The following RP1 variants were observed in gnomAD, a reference collection of about 807,000 sequenced individuals.
RP1 encodes oxygen-regulated protein 1.
In RP1, 16 loss-of-function variants were observed where a neutral mutation model predicts 14.8. The ratio of observed to expected loss-of-function variants is 1.08; its 90% CI spans 0.73 to 1.65. RP1 has a LOEUF of 1.65. RP1 is among the 40% of genes most tolerant of loss of function. The pLI, the probability that RP1 is intolerant of heterozygous loss-of-function variation, is 0.00. For missense variants in RP1, 2,631 were observed against 2,535.0 expected, an observed-to-expected ratio of 1.04 and a Z score of -0.81; for synonymous variants, 876 against 883.6, an observed-to-expected ratio of 0.99 and a Z score of 0.15.
chr8:54,676,730 T>A (rs944641118), intron 8 of RP1, among the ~76,000 whole-genome samples: 3 of 152,216 alleles, frequency 2.0e-5, no homozygotes, highest in African/African-American at 7.2e-5. Flanking sequence ...GTAGGCAATA[T>A]ATTTTTACGT....
intron 16 of RP1, among the ~76,000 whole-genome samples, chr8:54,724,881 G>C (rs1197873360): frequency 6.6e-6 from 1 of 152,212 alleles, no homozygotes; most frequent in Non-Finnish European, 1.5e-5. Flanking sequence ...AGGATAGAGA[G>C]GTAAAATGCT....
intron 24 of RP1, among the ~76,000 whole-genome samples, chr8:54,822,514 T>C (rs534193907): frequency 3.9e-5 from 6 of 152,386 alleles, no homozygotes; most frequent in Admixed American, 1.3e-4. Flanking sequence ...ATATCTTCTA[T>C]AAATACAAAT....
At chr8:54,798,512 C>T (rs1449407220) in intron 24 of RP1, among the ~76,000 whole-genome samples, 2 of 152,144 alleles carry the variant, frequency 1.3e-5, no homozygotes, top group African/African-American at 4.8e-5. Flanking sequence ...TTCCCTGAAA[C>T]TTAATTATCA....
intron 1 of RP1, chr8:54,559,367 T>C (rs915880749): frequency 6.6e-6 from 1 of 152,190 alleles, no homozygotes; most frequent in African/African-American, 2.4e-5. Context: ...TTATAGGGAA[T>C]GATAACGAAC....
chr8:54,706,641 C>T lies in RP1; in HGVS notation c.2197C>T (p.Arg733Ter), dbSNP rs760993041. 90 of 1,535,852 alleles carry T rather than the reference C, an allele frequency of 5.9e-5. No individual in the cohort carries two copies. The highest frequency in any genetic ancestry group is 7.2e-5 in the Non-Finnish European group (83 of 1,146,846). Residue 733 changes from arginine (R) to a stop codon, truncating the protein, a stop_gained, in exon 15 of 23, where the codon CGA becomes TGA. Coordinates refer to the RP1 transcript ENST00000636932. LOFTEE classifies it high-confidence loss of function. Reference sequence around the variant, plus strand: ...AATGTATCTAAGAATCAAGGATGGCCGATGCGATGGAACAGTAAGCATCTG... The same window carrying T: ...AATGTATCTAAGAATCAAGGATGGCTGATGCGATGGAACAGTAAGCATCTG...
intron 24 of RP1, among the ~76,000 whole-genome samples, chr8:54,807,190 G>A (rs1378637374): frequency 2.0e-5 from 3 of 152,204 alleles, no homozygotes; most frequent in Non-Finnish European, 2.9e-5. Flanking sequence ...ACAGCTTTAT[G>A]AGGCCAGGTC....
chr8:54,590,512 G>T (rs1214482959), intron 1 of RP1, among the ~76,000 whole-genome samples: 1 of 152,120 alleles, frequency 6.6e-6, no homozygotes, highest in Non-Finnish European at 1.5e-5. Context: ...AAAGCTCTCA[G>T]GACCCTTTCC....
intron 5 of RP1, among the ~76,000 whole-genome samples, chr8:54,653,534 T>C (rs1012077224): frequency 6.6e-6 from 1 of 152,196 alleles, no homozygotes; most frequent in Non-Finnish European, 1.5e-5. Flanking sequence ...GCAAACTTAC[T>C]CTTCTTGAGT....
chr8:54,807,585 T>C (rs1810883581), intron 24 of RP1, among the ~76,000 whole-genome samples: 2 of 152,200 alleles, frequency 1.3e-5, no homozygotes, highest in Admixed American at 1.3e-4. Flanking sequence ...TCTCTAACCA[T>C]GCAGAACCAC....
intron 19 of RP1, among the ~76,000 whole-genome samples, chr8:54,743,325 C>T (rs550006944): frequency 2.0e-5 from 3 of 152,046 alleles, no homozygotes; most frequent in East Asian, 3.9e-4. Context: ...ATGTAAATAT[C>T]GTATTCACCA....
chr8:54,699,369 A>C, intron 12 of RP1: 1 of 449,964 alleles, frequency 2.2e-6, no homozygotes, highest in Non-Finnish European at 3.7e-6. Context: ...TTTAATTGAG[A>C]AGTTTAAAAT....
chr8:54,573,250 C>G (rs992330134), intron 1 of RP1, among the ~76,000 whole-genome samples: 5 of 152,132 alleles, frequency 3.3e-5, no homozygotes, highest in African/African-American at 1.2e-4. Flanking sequence ...GATGCACAGA[C>G]TTTATTTTCC....
chr8:54,679,462 A>T (rs1387311244), exon 10 of RP1: 9 of 1,535,828 alleles, frequency 5.9e-6, no homozygotes, highest in African/African-American at 2.7e-5. Context: ...TTGTCAGAGA[A>T]CTGTATGCCA....
Position 54,595,372 on chromosome 8 carries a change from G to T in RP1, c.-12-25583G>T, listed in dbSNP as rs186692516. 6.3e-3 allele frequency among the ~76,000 whole-genome samples: 958 copies of T among 151,984 alleles called. 9 individuals are homozygous for T. The highest frequency in any genetic ancestry group is 0.022 in the African/African-American group (903 of 41,474). On this transcript the variant is annotated intron_variant, in intron 1 of 22. Coordinates refer to the RP1 transcript ENST00000636932. ...TCTTGATCTCCTGACCTCGTGATCC[G>T]CCCGCCTCAGCCTCCCAAAGTGCTG...
At position 54,868,193 on chromosome 8, in the gene RP1, A is replaced by G. The variant is rs1812500452; in HGVS notation, c.4152-1650A>G. 2.0e-5 allele frequency among the ~76,000 whole-genome samples: 3 copies of G among 152,246 alleles called. No individual in the cohort carries two copies. The South Asian group carries it at 6.2e-4, about 31-fold the overall frequency. The stretch of plus-strand genomic sequence containing the variant: ...AATTTTACTGGCAATGCAGAGGAGT[A>G]GAAATCATGAAAGTGACTTATTTCT... On this transcript the variant is annotated intron_variant, in intron 28 of 28. Coordinates refer to the RP1 transcript ENST00000637698.
intron 25 of RP1, among the ~76,000 whole-genome samples, chr8:54,849,119 A>G (rs992895368): frequency 4.6e-5 from 7 of 152,276 alleles, no homozygotes; most frequent in South Asian, 4.1e-4. Context: ...AGCCAGGTCA[A>G]CCATTCTTGG....
At chr8:54,771,364 G>T (rs1246724044), downstream of RP1, among the ~76,000 whole-genome samples, 1 of 151,900 alleles carries the variant, frequency 6.6e-6, no homozygotes, top group East Asian at 1.9e-4. Flanking sequence ...GGTAATAAAG[G>T]CTAATAGTTT....
At position 54,626,940 on chromosome 8, in the gene RP1, C is replaced by T; in HGVS notation, c.3058C>T (p.Leu1020=). The T allele has an allele frequency of 6.2e-7, 1 of 1,613,922 alleles. No homozygotes were observed. Among genetic ancestry groups the T allele is most frequent in the Non-Finnish European group, 8.5e-7 (1 of 1,179,962 alleles). ...TCTGAATGATGCTTATTTGGTTCCC[C>T]TGCATGAACACTGTACTTTGTCACA... ...GSLNDAYLVP[L]HEHCTLSQSA... The change falls in exon 4 of 4, where the codon CTG becomes TTG. Residue 1020 remains leucine (L), a synonymous_variant. Transcript: ENST00000220676.
At chr8:54,788,195 G>C (rs1405433849) in intron 24 of RP1, among the ~76,000 whole-genome samples, 1 of 152,184 alleles carries the variant, frequency 6.6e-6, no homozygotes, top group East Asian at 1.9e-4. Context: ...GGTATGTGTA[G>C]AAATGTCTGC....
Sources: allele counts gnomAD v4.1 joint callset (sites outside exome capture counted in the v4.1 genomes callset), GRCh38; gene constraint gnomAD v4.1.1; transcripts MANE v1.5; gene names NCBI Gene and HGNC (gene_info 2026-07-23, HGNC 2026-07-21).